TNR: variants seen among roughly 807,000 people sequenced by gnomAD.
TNR encodes the protein tenascin R, also known as tenascin-R.
A neutral mutation model predicts 150.4 loss-of-function variants in TNR; 45 were observed. The ratio of observed to expected loss-of-function variants is 0.30; its 90% CI spans 0.24 to 0.38. TNR has a LOEUF of 0.38. Ranked by LOEUF, TNR falls within the 10% of genes least tolerant of loss-of-function variation. The pLI, the probability that TNR is intolerant of heterozygous loss-of-function variation, is 1.00. For synonymous variants in TNR, 687 were observed against 678.4 expected (o/e 1.01, Z -0.20); for missense variants, 1,544 against 1,759.1 (o/e 0.88, Z 2.19).
At chr1:175,454,204 G>A (rs559243004) in intron 2 of TNR, among the ~76,000 whole-genome samples, 17 of 152,096 alleles carry the variant, frequency 1.1e-4, no homozygotes, top group Non-Finnish European at 2.2e-4. Context: ...TGTCTTCCAC[G>A]CTTCTTGCCA....
intron 10 of TNR, among the ~76,000 whole-genome samples, chr1:175,366,826 C>T (rs2239821): frequency 0.51 from 77,164 of 152,138 alleles, 19,643 homozygotes; most frequent in South Asian, 0.55. Flanking sequence ...ACCCAAGTGG[C>T]GTTTGTGAGG....
At chr1:175,478,623 T>C (rs1657650369) in intron 2 of TNR, among the ~76,000 whole-genome samples, 1 of 150,216 alleles carries the variant, frequency 6.7e-6, no homozygotes, top group Admixed American at 6.6e-5. Context: ...AAAAAAAAAA[T>C]CCACTAGCTG....
chr1:175,423,384 G>C (rs1405720856), intron 2 of TNR, among the ~76,000 whole-genome samples: 3 of 152,140 alleles, frequency 2.0e-5, no homozygotes, highest in African/African-American at 7.2e-5. Flanking sequence ...AATTGAGGAT[G>C]CTTGGGTGAC....
intron 21 of TNR, among the ~76,000 whole-genome samples, chr1:175,329,553 C>T (rs12125589): frequency 0.48 from 72,777 of 151,944 alleles, 19,668 homozygotes; most frequent in East Asian, 0.77. Flanking sequence ...TTAGCATGAC[C>T]GCTGATGGAC....
chr1:175,405,269 A>T (rs1341474522), intron 3 of TNR, among the ~76,000 whole-genome samples: 2 of 152,244 alleles, frequency 1.3e-5, no homozygotes, highest in Non-Finnish European at 2.9e-5. Context: ...TACAGAAGCC[A>T]GGCTGACATC....
Position 175,621,726 on chromosome 1 carries a change from T to C in TNR, c.-164-93357A>G, listed in dbSNP as rs114775748. Among the ~76,000 whole-genome samples the C allele has an allele frequency of 8.1e-3, 1,240 of 152,330 alleles. 12 individuals are homozygous for C. Among genetic ancestry groups the C allele is most frequent in the African/African-American group, 0.028 (1,167 of 41,568 alleles). ...TTGGAACTTTCCTGCTCCTCCCTCC[T>C]TCCTCTCTGCCTTTATATCCCATCC... On this transcript the variant is annotated intron_variant, in intron 1 of 22. Coordinates refer to ENST00000367674, the MANE Select transcript of TNR (RefSeq NM_003285.3).
intron 1 of TNR, among the ~76,000 whole-genome samples, chr1:175,555,601 T>C (rs1661125325): frequency 6.6e-6 from 1 of 152,012 alleles, no homozygotes; most frequent in Non-Finnish European, 1.5e-5. Context: ...ACTGATGGAA[T>C]GATAACTGAA....
chr1:175,659,880 G>A (rs1165093188), intron 1 of TNR, among the ~76,000 whole-genome samples: 2 of 147,526 alleles, frequency 1.4e-5, no homozygotes, highest in Non-Finnish European at 3.0e-5. Flanking sequence ...ACTTTTACAT[G>A]AAGTCCTTTG....
At chr1:175,387,447 G>GAT (rs968680270) in intron 7 of TNR, among the ~76,000 whole-genome samples, 2 of 152,166 alleles carry the variant, frequency 1.3e-5, no homozygotes, top group Non-Finnish European at 2.9e-5. Context: ...TTCTGATACT[G>GAT]ATATAGAAAA....
chr1:175,633,893 C>T (rs1028427240), intron 1 of TNR, among the ~76,000 whole-genome samples: 1 of 152,098 alleles, frequency 6.6e-6, no homozygotes. Flanking sequence ...AGCAAAAAGG[C>T]TGTGGGCTCA....
chr1:175,486,596 G>A (rs1199729305), intron 2 of TNR, among the ~76,000 whole-genome samples: 1 of 152,188 alleles, frequency 6.6e-6, no homozygotes, highest in East Asian at 1.9e-4. Context: ...ACATGTATGT[G>A]TCTTTATAGT....
At chr1:175,485,768 A>G (rs1480030924) in intron 2 of TNR, among the ~76,000 whole-genome samples, 2 of 152,218 alleles carry the variant, frequency 1.3e-5, no homozygotes, top group Non-Finnish European at 2.9e-5. Flanking sequence ...ATAGAATAAA[A>G]TTGAGCCAGG....
intron 2 of TNR, among the ~76,000 whole-genome samples, chr1:175,427,703 T>TTCCTTCCC (rs967292540): frequency 2.4e-5 from 3 of 124,042 alleles, no homozygotes; most frequent in African/African-American, 9.5e-5. Context: ...CCTTCCTTCC[T>TTCCTTCCC]TCCCTTCTTC....
chr1:175,564,990 G>A (rs1474809564), intron 1 of TNR, among the ~76,000 whole-genome samples: 1 of 152,198 alleles, frequency 6.6e-6, no homozygotes, highest in African/African-American at 2.4e-5. Context: ...CTAAAAGGCA[G>A]GAATGCCCAA....
intron 1 of TNR, among the ~76,000 whole-genome samples, chr1:175,723,619 C>G (rs1276947213): frequency 6.6e-6 from 1 of 152,226 alleles, no homozygotes; most frequent in African/African-American, 2.4e-5. Flanking sequence ...TGCCTGTAAT[C>G]TCAACAATTT....
At chr1:175,657,188 A>G (rs1168194917) in intron 1 of TNR, among the ~76,000 whole-genome samples, 2 of 152,210 alleles carry the variant, frequency 1.3e-5, no homozygotes, top group Non-Finnish European at 2.9e-5. Context: ...CCAGGTGACC[A>G]TCAGAGAAAT....
At chr1:175,424,381 C>T (rs1388574073) in intron 2 of TNR, among the ~76,000 whole-genome samples, 1 of 152,212 alleles carries the variant, frequency 6.6e-6, no homozygotes, top group Non-Finnish European at 1.5e-5. Flanking sequence ...TCTGTATTTT[C>T]CCCTCTGCCC....
chr1:175,679,841 T>C (rs1665976542), intron 1 of TNR, among the ~76,000 whole-genome samples: 2 of 152,334 alleles, frequency 1.3e-5, no homozygotes, highest in South Asian at 4.1e-4. Flanking sequence ...GTCATTCCAT[T>C]GCTCTGACTT....
intron 2 of TNR, among the ~76,000 whole-genome samples, chr1:175,482,905 A>G (rs1025591182): frequency 4.6e-5 from 7 of 152,172 alleles, no homozygotes; most frequent in African/African-American, 9.7e-5. Context: ...ACCTCACCCA[A>G]TGGAAACCTC....
Sources: gnomAD v4.1 joint callset for allele counts (sites outside exome capture counted in the v4.1 genomes callset) on GRCh38, gnomAD v4.1.1 for gene constraint, MANE v1.5 for transcripts, NCBI Gene and HGNC (gene_info 2026-07-23, HGNC 2026-07-21) for gene names.